Variants in VTA1 observed in about 807,000 individuals in gnomAD.
VTA1 encodes the protein vesicle trafficking 1.
Under a neutral mutation model 36.9 loss-of-function variants are expected in VTA1, and 24 were observed. The observed-to-expected ratio is 0.65, with a 90% CI of 0.47 to 0.91. The LOEUF (loss-of-function observed/expected upper bound fraction) is 0.91. Ranked by LOEUF, VTA1 falls within the 40% of genes least tolerant of loss-of-function variation. VTA1 has a pLI of 0.00. For synonymous variants in VTA1, 142 were observed against 130.2 expected (o/e 1.09, Z -0.62); for missense variants, 393 against 377.2 (o/e 1.04, Z -0.35).
chr6:142,194,987 A>G (rs1452145762), intron 5 of VTA1, among the ~76,000 whole-genome samples: 4 of 152,088 alleles, frequency 2.6e-5, no homozygotes, highest in African/African-American at 9.7e-5. Context: ...TCATTGGTAA[A>G]CTTAGTCATG....
chr6:142,222,589 C>T lies in VTA1; in HGVS notation c.*3946C>T, dbSNP rs1453969186. 1.6e-5 allele frequency: 1 copy of T among 60,640 alleles called. No homozygotes were observed. The highest frequency in any genetic ancestry group is 2.5e-4 in the East Asian group (1 of 3,962). 3.8% of individuals were successfully genotyped at this position (60,640 alleles called of 1,614,324 possible). On this transcript the variant is annotated 3_prime_UTR_variant, in exon 8 of 8. Transcript: ENST00000367630. ...ATATACTGTCTTTTCTAAAGAAACA[C>T]CCTAATAGCAGCATTGTACAAATAT...
intron 4 of VTA1, among the ~76,000 whole-genome samples, chr6:142,172,172 G>C (rs1021250235): frequency 6.6e-6 from 1 of 152,074 alleles, no homozygotes; most frequent in African/African-American, 2.4e-5. Flanking sequence ...CACCACACCT[G>C]GCTAATTTTT....
chr6:142,185,292 G>A (rs549625950), intron 4 of VTA1, among the ~76,000 whole-genome samples: 14 of 152,138 alleles, frequency 9.2e-5, no homozygotes, highest in African/African-American at 3.1e-4. Context: ...TGGAAATAAT[G>A]TATTGACTTA....
At chr6:142,148,165 T>G (rs1420293435) in intron 1 of VTA1, among the ~76,000 whole-genome samples, 2 of 152,244 alleles carry the variant, frequency 1.3e-5, no homozygotes, top group Non-Finnish European at 2.9e-5. Flanking sequence ...AACAAGTAAC[T>G]GGACAATTAT....
intron 1 of VTA1, among the ~76,000 whole-genome samples, chr6:142,165,458 T>A (rs1774894577): frequency 6.6e-6 from 1 of 152,224 alleles, no homozygotes; most frequent in Non-Finnish European, 1.5e-5. Context: ...TCGTTGCATT[T>A]TGTTGTTGCA....
At chr6:142,189,404 A>G (rs1358247690) in intron 4 of VTA1, 22 bp from the exon 5 acceptor site, 2 of 1,558,090 alleles carry the variant, frequency 1.3e-6, no homozygotes, top group East Asian at 2.2e-5. Context: ...TCCAATGTTG[A>G]TATAAAAATG....
chr6:142,160,989 C>T lies in VTA1; in HGVS notation c.113-5239C>T, dbSNP rs546786203. Among the ~76,000 whole-genome samples the T allele has an allele frequency of 4.0e-5, 6 of 150,486 alleles. No individual in the cohort carries two copies. The East Asian group carries it at 1.0e-3, about 25-fold the overall frequency. Reference sequence around the variant, plus strand: ...TGGCTTTTTCTTAAAATTGTTGTTACGACAGGAGTTCCAAAAGTATTTATT... The same window carrying T: ...TGGCTTTTTCTTAAAATTGTTGTTATGACAGGAGTTCCAAAAGTATTTATT... On this transcript the variant is annotated intron_variant, in intron 1 of 7. Coordinates refer to ENST00000367630, the MANE Select transcript of VTA1 (RefSeq NM_016485.5).
At chr6:142,150,344 A>G (rs1382583739) in intron 1 of VTA1, among the ~76,000 whole-genome samples, 2 of 152,142 alleles carry the variant, frequency 1.3e-5, no homozygotes, top group East Asian at 1.9e-4. Flanking sequence ...AAAGGAATCA[A>G]TTTTCCAATT....
intron 4 of VTA1, among the ~76,000 whole-genome samples, chr6:142,173,220 T>A (rs537169932): frequency 5.1e-4 from 77 of 152,222 alleles, no homozygotes; most frequent in Admixed American, 3.5e-3. Context: ...TTCAGGTAAG[T>A]GGATTGTTTT....
intron 7 of VTA1, among the ~76,000 whole-genome samples, chr6:142,218,009 TAAG>T (rs1776035007): frequency 6.6e-6 from 1 of 152,124 alleles, no homozygotes; most frequent in African/African-American, 2.4e-5. Flanking sequence ...TAAGAAACCT[TAAG>T]AAATTTTTAC....
chr6:142,191,497 C>T (rs1249425303), intron 5 of VTA1, among the ~76,000 whole-genome samples: 5 of 152,018 alleles, frequency 3.3e-5, no homozygotes, highest in Admixed American at 2.0e-4. Context: ...ATTAATAATG[C>T]TAACTAAATA....
At chr6:142,218,362 C>T in intron 7 of VTA1, 136 bp from the exon 8 acceptor site, 1 of 850,522 alleles carries the variant, frequency 1.2e-6, no homozygotes, top group South Asian at 1.7e-5. Context: ...TATCAAAGTT[C>T]ATGTGAGATT....
At chr6:142,200,090 T>A (rs1289781926) in intron 6 of VTA1, among the ~76,000 whole-genome samples, 1 of 152,112 alleles carries the variant, frequency 6.6e-6, no homozygotes, top group Non-Finnish European at 1.5e-5. Flanking sequence ...GCAAATCATA[T>A]TGGTTATTTG....
intron 5 of VTA1, among the ~76,000 whole-genome samples, chr6:142,194,077 A>C (rs1322622542): frequency 6.6e-6 from 1 of 152,100 alleles, no homozygotes; most frequent in Admixed American, 6.5e-5. Flanking sequence ...GATATGGGGC[A>C]TGTCAAGATA....
chr6:142,170,166 T>C (rs1205139301), intron 3 of VTA1, among the ~76,000 whole-genome samples, 180 bp from the exon 4 acceptor site: 1 of 152,212 alleles, frequency 6.6e-6, no homozygotes, highest in East Asian at 1.9e-4. Context: ...TCTTGTTACT[T>C]TCTCATAGTA....
At chr6:142,212,813 C>T (rs1232927667) in intron 7 of VTA1, among the ~76,000 whole-genome samples, 1 of 152,114 alleles carries the variant, frequency 6.6e-6, no homozygotes, top group East Asian at 1.9e-4. Flanking sequence ...ACCATCAGAT[C>T]TCGTGAGACC....
intron 4 of VTA1, among the ~76,000 whole-genome samples, chr6:142,170,738 A>G (rs1013491415): frequency 6.6e-6 from 1 of 151,546 alleles, no homozygotes; most frequent in Non-Finnish European, 1.5e-5. Context: ...GGCTCAAGCA[A>G]TTCTCCTGCC....
chr6:142,218,069 AAGCAACCTGGT>A (rs1303588129), intron 7 of VTA1, among the ~76,000 whole-genome samples: 1 of 152,166 alleles, frequency 6.6e-6, no homozygotes, highest in African/African-American at 2.4e-5. Context: ...AAAACAAGCT[AAGCAACCTGGT>A]TTTCTTTACA....
Position 142,220,482 on chromosome 6 carries a change from A to G in VTA1, c.*1839A>G, listed in dbSNP as rs557767360. On this transcript the variant is annotated 3_prime_UTR_variant, in exon 8 of 8. Transcript: ENST00000367630. Reference sequence around the variant, plus strand: ...ACAGAGCCCTTCTCTGTAAAATGGAAATGACACCACTAGCCATCTCAATAG... The same window carrying G: ...ACAGAGCCCTTCTCTGTAAAATGGAGATGACACCACTAGCCATCTCAATAG... The G allele has an allele frequency of 1.8e-4, 27 of 152,302 alleles. No individual in the cohort carries two copies. Among genetic ancestry groups the G allele is most frequent in the Admixed American group, 1.1e-3 (17 of 15,296 alleles). The allele number at this position is 152,302 out of a possible 1,614,324, so 9.4% of individuals were successfully genotyped here.
Sources: gnomAD v4.1 joint callset for allele counts (sites outside exome capture counted in the v4.1 genomes callset) on GRCh38, gnomAD v4.1.1 for gene constraint, MANE v1.5 for transcripts, NCBI Gene and HGNC (gene_info 2026-07-23, HGNC 2026-07-21) for gene names.